The following SLC12A8 variants were observed in gnomAD, a reference collection of about 807,000 sequenced individuals.
The protein encoded by SLC12A8 is cation-chloride cotransporter 9.
Under a neutral mutation model 75.6 loss-of-function variants are expected in SLC12A8, and 69 were observed. The observed-to-expected ratio is 0.91, with a 90% CI of 0.75 to 1.11. SLC12A8 has a LOEUF of 1.11. Ranked by LOEUF, SLC12A8 falls within the 50% of genes most tolerant of loss-of-function variation. The pLI, the probability that SLC12A8 is intolerant of heterozygous loss-of-function variation, is 0.00. For synonymous variants in SLC12A8, 365 were observed against 372.8 expected (o/e 0.98, Z 0.24); for missense variants, 877 against 896.7 (o/e 0.98, Z 0.28).
intron 6 of SLC12A8, among the ~76,000 whole-genome samples, chr3:125,128,891 G>A (rs1021684913): frequency 9.9e-5 from 15 of 152,166 alleles, no homozygotes; most frequent in African/African-American, 4.8e-5. Flanking sequence ...ACTAACAGCC[G>A]GGCTGAGGGG....
intron 2 of SLC12A8, among the ~76,000 whole-genome samples, chr3:125,196,765 CA>C (rs914860393): frequency 5.9e-5 from 9 of 152,220 alleles, no homozygotes; most frequent in African/African-American, 1.9e-4. Flanking sequence ...CACACCTCTA[CA>C]AAAAATAGAA....
chr3:125,087,779 GAA>G (rs1938496501), intron 13 of SLC12A8, among the ~76,000 whole-genome samples: 1 of 152,152 alleles, frequency 6.6e-6, no homozygotes, highest in Non-Finnish European at 1.5e-5. Flanking sequence ...TATTTCTCAG[GAA>G]AGTTTTTTTT....
chr3:125,173,194 AC>A (rs1934443559), intron 5 of SLC12A8, among the ~76,000 whole-genome samples: 1 of 152,132 alleles, frequency 6.6e-6, no homozygotes, highest in Non-Finnish European at 1.5e-5. Flanking sequence ...AAACAAACAA[AC>A]AAAGAAACCA....
At chr3:125,087,338 C>T (rs902489694) in intron 13 of SLC12A8, among the ~76,000 whole-genome samples, 27 of 152,064 alleles carry the variant, frequency 1.8e-4, no homozygotes, top group African/African-American at 6.5e-4. Flanking sequence ...GGTGATCTGC[C>T]CACCTTGGCC....
chr3:125,099,364 C>T (rs1432880187), intron 10 of SLC12A8, among the ~76,000 whole-genome samples: 3 of 152,108 alleles, frequency 2.0e-5, no homozygotes, highest in Non-Finnish European at 4.4e-5. Flanking sequence ...TAAAGAGTTG[C>T]TACAATACAT....
chr3:125,198,256 T>TAAAAAA (rs200980342), intron 2 of SLC12A8, among the ~76,000 whole-genome samples: 1 of 130,664 alleles, frequency 7.7e-6, no homozygotes, highest in Admixed American at 7.6e-5. Context: ...ATGTGTTCTT[T>TAAAAAA]AAAAAAAAAA....
At chr3:125,185,618 G>A (rs1010060305) in intron 4 of SLC12A8, among the ~76,000 whole-genome samples, 8 of 152,138 alleles carry the variant, frequency 5.3e-5, no homozygotes, top group South Asian at 4.1e-4. Flanking sequence ...CTCAGTCTAC[G>A]AGGCCAGAAT....
At chr3:125,207,779 A>G (rs963191965) in intron 2 of SLC12A8, among the ~76,000 whole-genome samples, 1 of 151,720 alleles carries the variant, frequency 6.6e-6, no homozygotes, top group African/African-American at 2.4e-5. Flanking sequence ...CCTTCTGTTC[A>G]CCTCCCTCTG....
intron 5 of SLC12A8, among the ~76,000 whole-genome samples, chr3:125,148,940 C>T (rs555638729): frequency 3.3e-5 from 5 of 151,882 alleles, no homozygotes; most frequent in African/African-American, 7.3e-5. Context: ...ACACCTGCCA[C>T]GTGCAGTGAG....
At chr3:125,130,782 C>T (rs1351758066) in intron 6 of SLC12A8, among the ~76,000 whole-genome samples, 1 of 152,194 alleles carries the variant, frequency 6.6e-6, no homozygotes, top group Non-Finnish European at 1.5e-5. Flanking sequence ...TCACCGCCCC[C>T]TTCCCCCACT....
chr3:125,189,486 G>A (rs529263133), intron 3 of SLC12A8, among the ~76,000 whole-genome samples: 1 of 152,298 alleles, frequency 6.6e-6, no homozygotes, highest in South Asian at 2.1e-4. Context: ...AGCACTCATA[G>A]CCTGTTCCAC....
chr3:125,108,080 A>C lies in SLC12A8; in HGVS notation c.1106T>G (p.Leu369Trp). The C allele has an allele frequency of 6.2e-7, 1 of 1,614,192 alleles. No individual in the cohort carries two copies. The highest frequency in any genetic ancestry group is 8.5e-7 in the Non-Finnish European group (1 of 1,180,028). Residue 369 changes from leucine to tryptophan, a missense_variant, in exon 10 of 14, where the codon TTG (leucine) becomes TGG (tryptophan). By Grantham distance (61) the Leu-to-Trp change is moderately conservative (BLOSUM62 -2). Coordinates refer to ENST00000469902, the MANE Select transcript of SLC12A8 (RefSeq NM_024628.6). ...TPVAAICLTS[L>W]VTMAFVFVGQ... ...CACAAAAACAAAGGCCATGGTCACC[A>C]AGCTGGTCAGGCAGATGGCAGCCAC... is the stretch of plus-strand genomic sequence containing the variant.
chr3:125,134,708 A>T (rs1933444353), intron 6 of SLC12A8, among the ~76,000 whole-genome samples: 1 of 152,222 alleles, frequency 6.6e-6, no homozygotes, highest in Admixed American at 6.5e-5. Context: ...GTGTCTCCAC[A>T]TCCTTGCTAA....
intron 2 of SLC12A8, among the ~76,000 whole-genome samples, chr3:125,206,139 C>T (rs1344527828): frequency 6.6e-5 from 10 of 152,206 alleles, no homozygotes; most frequent in Admixed American, 6.5e-4. Flanking sequence ...GATGCTAAAA[C>T]AGCCCTGAAA....
chr3:125,130,742 C>T (rs561517871), intron 6 of SLC12A8, among the ~76,000 whole-genome samples: 84 of 152,362 alleles, frequency 5.5e-4, no homozygotes, highest in African/African-American at 1.9e-3. Context: ...CTGCTAACTC[C>T]TGCCTGGAGG....
In SLC12A8 at chr3:125,190,494, A is replaced by G. The variant is rs765581804; in HGVS notation, c.79T>C (p.Trp27Arg). 6.2e-7 allele frequency: 1 copy of G among 1,614,192 alleles called. No homozygotes were observed. Among genetic ancestry groups the G allele is most frequent in the Non-Finnish European group, 8.5e-7 (1 of 1,180,012 alleles). Residue 27 changes from tryptophan (W) to arginine (R), a missense_variant, in exon 3 of 14, where the codon TGG becomes CGG. Transcript: ENST00000469902. ...TCCCACATGAACAGCTGGGTCTTCC[A>G]CCAGGGCTGGGGCTGGGCCAGGGCA... ...QDALAQPQPW[W>R]KTQLFMWEPV...
chr3:125,195,926 C>T lies in SLC12A8; in HGVS notation c.52-5405G>A, dbSNP rs115555103. On this transcript the variant is annotated intron_variant, in intron 2 of 13. Transcript: ENST00000469902. ...GCTTTTCCTGCTGGACACAGGCTGC[C>T]GCTAGGAAGTCTACCTGGATTTAAC... Among the ~76,000 whole-genome samples, 741 of 152,232 alleles carry T rather than the reference C, an allele frequency of 4.9e-3. 5 individuals carry two copies. Among genetic ancestry groups the T allele is most frequent in the African/African-American group, 0.017 (694 of 41,516 alleles).
intron 4 of SLC12A8, among the ~76,000 whole-genome samples, chr3:125,185,196 T>G (rs1934748158): frequency 6.6e-6 from 1 of 152,042 alleles, no homozygotes; most frequent in Non-Finnish European, 1.5e-5. Context: ...GGCGCATGCC[T>G]GTAACCCCAG....
intron 6 of SLC12A8, chr3:125,123,730 C>A (rs1933121314): frequency 6.6e-6 from 1 of 152,144 alleles, no homozygotes; most frequent in South Asian, 2.1e-4. Flanking sequence ...AATTCCCTCC[C>A]ACCAGGTTCC....
Sources: allele counts gnomAD v4.1 joint callset (sites outside exome capture counted in the v4.1 genomes callset), GRCh38; gene constraint gnomAD v4.1.1; transcripts MANE v1.5; gene names NCBI Gene and HGNC (gene_info 2026-07-23, HGNC 2026-07-21).